PHACTR1: variants seen among roughly 807,000 people sequenced by gnomAD.
PHACTR1 encodes the protein RPEL repeat containing 1.
A neutral mutation model predicts 69.2 loss-of-function variants in PHACTR1; 16 were observed. The ratio of observed to expected loss-of-function variants is 0.23; its 90% confidence interval spans 0.16 to 0.35. The LOEUF is 0.35. Among genes scored for constraint, PHACTR1 ranks in the 10% least tolerant of loss-of-function variants. The pLI, the probability that PHACTR1 is intolerant of heterozygous loss-of-function variation, is 1.00. For missense variants in PHACTR1, 510 were observed against 734.7 expected (o/e 0.69, Z 3.54); for synonymous variants, 312 against 284.5 (o/e 1.10, Z -0.97).
At chr6:13,058,495 G>A (rs994926519) in intron 5 of PHACTR1, among the ~76,000 whole-genome samples, 1 of 152,174 alleles carries the variant, frequency 6.6e-6, no homozygotes, top group Non-Finnish European at 1.5e-5. Flanking sequence ...ACCTGGCTCT[G>A]GGTATATAGC....
chr6:13,104,636 T>G (rs1364831126), intron 5 of PHACTR1, among the ~76,000 whole-genome samples: 1 of 152,216 alleles, frequency 6.6e-6, no homozygotes, highest in Non-Finnish European at 1.5e-5. Flanking sequence ...ATACAGCCTT[T>G]CATTCTCATT....
chr6:13,056,199 G>T (rs1339757390), intron 5 of PHACTR1, among the ~76,000 whole-genome samples: 3 of 152,138 alleles, frequency 2.0e-5, no homozygotes, highest in Non-Finnish European at 2.9e-5. Context: ...CTTGAGCCCA[G>T]GAGTTAAAAA....
intron 4 of PHACTR1, among the ~76,000 whole-genome samples, chr6:12,909,344 G>A (rs533430145): frequency 2.2e-4 from 33 of 152,244 alleles, no homozygotes; most frequent in African/African-American, 6.7e-4. Flanking sequence ...TTGTGGTGCC[G>A]TCTTAAACTG....
intron 6 of PHACTR1, among the ~76,000 whole-genome samples, chr6:13,168,644 A>T (rs556975727): frequency 1.9e-4 from 29 of 152,264 alleles, no homozygotes; most frequent in Admixed American, 1.6e-3. Flanking sequence ...TCACCCGCCG[A>T]GGCCTGGGGA....
At chr6:13,236,318 G>GAA (rs1771980422) in intron 10 of PHACTR1, among the ~76,000 whole-genome samples, 3 of 152,276 alleles carry the variant, frequency 2.0e-5, no homozygotes, top group Admixed American at 2.0e-4. Flanking sequence ...ATCAAAGGAA[G>GAA]ATACTGACTT....
intron 4 of PHACTR1, among the ~76,000 whole-genome samples, chr6:12,969,979 A>C (rs1445637441): frequency 1.3e-5 from 2 of 152,024 alleles, no homozygotes; most frequent in Non-Finnish European, 2.9e-5. Context: ...AAAAACAAAA[A>C]ACAAAACAAA....
intron 3 of PHACTR1, among the ~76,000 whole-genome samples, chr6:12,731,335 T>C (rs1185316435): frequency 6.6e-6 from 1 of 152,182 alleles, no homozygotes; most frequent in African/African-American, 2.4e-5. Context: ...TTAAAACCCA[T>C]GCAGTAATAT....
chr6:13,277,823 A>C (rs1779244715), intron 11 of PHACTR1, among the ~76,000 whole-genome samples: 1 of 152,108 alleles, frequency 6.6e-6, no homozygotes, highest in South Asian at 2.1e-4. Flanking sequence ...GGTGGCGTGC[A>C]TGTGTAGTCC....
At chr6:13,033,115 A>G (rs937299975) in intron 4 of PHACTR1, among the ~76,000 whole-genome samples, 4 of 152,024 alleles carry the variant, frequency 2.6e-5, no homozygotes, top group African/African-American at 4.8e-5. Context: ...AACTACATAT[A>G]TAAGGAGGCA....
At chr6:12,827,582 G>T (rs1360572624) in intron 4 of PHACTR1, among the ~76,000 whole-genome samples, 1 of 152,142 alleles carries the variant, frequency 6.6e-6, no homozygotes, top group Non-Finnish European at 1.5e-5. Context: ...AGTCAAGAGA[G>T]GTATTTCATT....
At chr6:12,832,757 A>G (rs1777723106) in intron 4 of PHACTR1, among the ~76,000 whole-genome samples, 1 of 152,184 alleles carries the variant, frequency 6.6e-6, no homozygotes, top group Admixed American at 6.5e-5. Flanking sequence ...GTTATTTGGA[A>G]AAGAACAGCC....
intron 5 of PHACTR1, among the ~76,000 whole-genome samples, chr6:13,066,822 A>G (rs1289517675): frequency 6.6e-6 from 1 of 151,994 alleles, no homozygotes; most frequent in Non-Finnish European, 1.5e-5. Context: ...TCCAGCAGGG[A>G]GCTGAGGGCC....
intron 4 of PHACTR1, among the ~76,000 whole-genome samples, chr6:12,924,776 GA>G (rs10533765): frequency 0.034 from 4,516 of 134,220 alleles, 160 homozygotes; most frequent in East Asian, 0.18. Flanking sequence ...CTCTGTCCCG[GA>G]AAAAAAAAAA....
intron 6 of PHACTR1, among the ~76,000 whole-genome samples, chr6:13,163,310 C>G (rs1219380918): frequency 2.0e-5 from 3 of 152,132 alleles, no homozygotes; most frequent in Admixed American, 1.3e-4. Flanking sequence ...AGGGAAGGAC[C>G]AGTCTAGTCC....
In PHACTR1 at chr6:13,206,716, C is replaced by G. The variant is rs1233234669; in HGVS notation, c.986+580C>G. On this transcript the variant is annotated intron_variant, in intron 8 of 14. Coordinates refer to ENST00000332995, the MANE Select transcript of PHACTR1 (RefSeq NM_030948.6). Reference sequence around the variant, plus strand: ...AGCAGCCCAAGGCACAAGGCAAGATCTGGCCCTGGTCAGACATCATCCCCT... The same window carrying G: ...AGCAGCCCAAGGCACAAGGCAAGATGTGGCCCTGGTCAGACATCATCCCCT... 4.6e-5 allele frequency among the ~76,000 whole-genome samples: 7 copies of G among 152,212 alleles called. No homozygotes were observed. The East Asian group carries it at 7.7e-4, about 17-fold the overall frequency.
chr6:13,197,545 T>A (rs1311849634), intron 7 of PHACTR1, among the ~76,000 whole-genome samples: 8 of 152,110 alleles, frequency 5.3e-5, no homozygotes, highest in Admixed American at 1.3e-4. Context: ...AGTTCCTTTT[T>A]TTTTTATTAT....
chr6:13,064,631 C>T (rs1256538104), intron 5 of PHACTR1, among the ~76,000 whole-genome samples: 1 of 101,972 alleles, frequency 9.8e-6, no homozygotes, highest in Admixed American at 1.2e-4. Context: ...TCCACACTTG[C>T]CAGACTATGG....
chr6:12,965,415 C>T (rs1309121874), intron 4 of PHACTR1, among the ~76,000 whole-genome samples: 1 of 149,396 alleles, frequency 6.7e-6, no homozygotes, highest in African/African-American at 2.5e-5. Context: ...GAGCTCTCAT[C>T]CTGTTGATGT....
At chr6:12,917,952 G>A (rs1000983062) in intron 4 of PHACTR1, among the ~76,000 whole-genome samples, 12 of 152,088 alleles carry the variant, frequency 7.9e-5, no homozygotes, top group African/African-American at 2.9e-4. Flanking sequence ...GTGTTCAATG[G>A]TAACTAAAAA....
Sources: allele counts gnomAD v4.1 joint callset (sites outside exome capture counted in the v4.1 genomes callset), GRCh38; gene constraint gnomAD v4.1.1; transcripts MANE v1.5; gene names NCBI Gene and HGNC (gene_info 2026-07-23, HGNC 2026-07-21).